ERC2: variants seen among roughly 807,000 people sequenced by gnomAD.
ERC2 encodes the protein ERC protein 2.
In ERC2, 42 loss-of-function variants were observed where a neutral mutation model predicts 114.8. That is an observed-to-expected ratio of 0.37 (90% confidence interval 0.29 to 0.47). ERC2 has a LOEUF of 0.47. ERC2 is among the 20% of genes least tolerant of loss of function. ERC2 has a pLI of 0.99. For synonymous variants in ERC2, 454 were observed against 425.5 expected (o/e 1.07, Z -0.82); for missense variants, 939 against 1,150.7 (o/e 0.82, Z 2.66).
chr3:56,377,214 AT>A (rs1560703889), intron 2 of ERC2, among the ~76,000 whole-genome samples: 4 of 152,212 alleles, frequency 2.6e-5, no homozygotes. Flanking sequence ...GTGACAAAAA[AT>A]ATGCATAGGA....
intron 3 of ERC2, among the ~76,000 whole-genome samples, chr3:56,175,915 G>A (rs2082952111): frequency 7.4e-6 from 1 of 135,012 alleles, no homozygotes; most frequent in Non-Finnish European, 1.8e-5. Context: ...TCAATTTGGA[G>A]TCAATGTGAT....
rs765671294 is a variant in ERC2, at chr3:56,255,904, AC to A, written c.1074+40114del. ...TTAGAAATGCAGAATCTCAGGCTCC[AC>A]CTCAGACCTAATTAACTGAAAGCTG... On this transcript the variant is annotated intron_variant, in intron 3 of 17. Coordinates refer to ENST00000288221, the MANE Select transcript of ERC2 (RefSeq NM_015576.3). Among the ~76,000 whole-genome samples, 20 of 152,296 alleles carry A rather than the reference AC, an allele frequency of 1.3e-4. No individual in the cohort carries two copies. The South Asian group carries it at 1.9e-3, about 14-fold the overall frequency.
intron 6 of ERC2, among the ~76,000 whole-genome samples, chr3:56,113,137 C>T (rs566790909): frequency 6.6e-6 from 1 of 152,136 alleles, no homozygotes; most frequent in African/African-American, 2.4e-5. Flanking sequence ...CATAGCAGTG[C>T]TAATTTATAA....
At chr3:56,386,838 C>T (rs2059950437) in intron 2 of ERC2, among the ~76,000 whole-genome samples, 1 of 152,106 alleles carries the variant, frequency 6.6e-6, no homozygotes, top group South Asian at 2.1e-4. Context: ...AGATATAACA[C>T]CATATGTAAG....
At chr3:56,322,667 C>T (rs1403782435) in intron 2 of ERC2, among the ~76,000 whole-genome samples, 3 of 152,182 alleles carry the variant, frequency 2.0e-5, no homozygotes, top group Non-Finnish European at 4.4e-5. Context: ...TCCCAGCCTA[C>T]TGCCTGGAGA....
chr3:55,723,529 T>G (rs575492988), intron 15 of ERC2, among the ~76,000 whole-genome samples: 16 of 151,898 alleles, frequency 1.1e-4, no homozygotes, highest in African/African-American at 3.9e-4. Context: ...GAACTTTTAG[T>G]GTGTTGCAGA....
At chr3:55,558,958 C>T (rs996622383) in intron 17 of ERC2, among the ~76,000 whole-genome samples, 1 of 152,182 alleles carries the variant, frequency 6.6e-6, no homozygotes, top group African/African-American at 2.4e-5. Context: ...TAGTATTTCC[C>T]TTTGCAAAAC....
At chr3:56,054,991 T>C (rs1025907926) in intron 7 of ERC2, among the ~76,000 whole-genome samples, 1 of 152,212 alleles carries the variant, frequency 6.6e-6, no homozygotes, top group African/African-American at 2.4e-5. Context: ...TGTAATTCAA[T>C]ATTGCAACAC....
intron 3 of ERC2, among the ~76,000 whole-genome samples, chr3:56,186,916 T>C (rs2083659818): frequency 6.6e-6 from 1 of 152,180 alleles, no homozygotes; most frequent in Admixed American, 6.5e-5. Context: ...TCTACTTCTA[T>C]ATGTCAGGTT....
intron 15 of ERC2, among the ~76,000 whole-genome samples, chr3:55,707,930 T>C (rs2063575148): frequency 6.6e-6 from 1 of 152,192 alleles, no homozygotes; most frequent in East Asian, 1.9e-4. Context: ...AAGCAACTAA[T>C]CAGAGCTCAA....
At chr3:55,730,819 C>G (rs2065211020) in intron 15 of ERC2, among the ~76,000 whole-genome samples, 1 of 152,204 alleles carries the variant, frequency 6.6e-6, no homozygotes, top group Non-Finnish European at 1.5e-5. Flanking sequence ...CCACTGTACT[C>G]TAGCCTGGGT....
At chr3:55,777,215 A>G (rs1422893094) in intron 14 of ERC2, among the ~76,000 whole-genome samples, 1 of 152,242 alleles carries the variant, frequency 6.6e-6, no homozygotes, top group Admixed American at 6.5e-5. Context: ...AGTTAGTGCC[A>G]GGGACATCTG....
At position 55,850,072 on chromosome 3, in the gene ERC2, C is replaced by T. The variant is rs756687446; in HGVS notation, c.2564+38317G>A. Among the ~76,000 whole-genome samples, 14 of 152,290 alleles carry T rather than the reference C, an allele frequency of 9.2e-5. No homozygotes were observed. The Middle Eastern group carries it at 0.014, about 148-fold the overall frequency. ...TAATTTCTGGTGATGGCCAGCAATC[C>T]TTGACATTGTTTGACTTACAGATGC... On this transcript the variant is annotated intron_variant, in intron 14 of 17. Transcript: ENST00000288221.
chr3:55,957,341 G>A (rs562753469), intron 12 of ERC2, among the ~76,000 whole-genome samples: 10 of 152,280 alleles, frequency 6.6e-5, no homozygotes, highest in South Asian at 4.1e-4. Context: ...TTATTGCAGC[G>A]GCATCCCTTA....
At position 55,521,879 on chromosome 3, in the gene ERC2, AC is replaced by A. The variant is rs1404129517; in HGVS notation, c.*40-10604del. Among the ~76,000 whole-genome samples the A allele has an allele frequency of 2.6e-5, 4 of 152,166 alleles. 1 individual carries two copies. Among genetic ancestry groups the A allele is most frequent in the Admixed American group, 2.6e-4 (4 of 15,286 alleles). On this transcript the variant is annotated intron_variant, in intron 17 of 17. Coordinates refer to ENST00000288221, the MANE Select transcript of ERC2 (RefSeq NM_015576.3). Reference sequence around the variant, plus strand: ...GGCCTGGGTCGGTTGTGGTCACTAAACCCATTAGCGTTCCAATGTGGCAACA... The same window carrying A: ...GGCCTGGGTCGGTTGTGGTCACTAAACCATTAGCGTTCCAATGTGGCAACA...
intron 1 of ERC2, among the ~76,000 whole-genome samples, chr3:56,462,981 C>A (rs539089329): frequency 6.6e-6 from 1 of 152,256 alleles, no homozygotes; most frequent in Admixed American, 6.5e-5. Context: ...AATCCCAGCA[C>A]TTTGGGAGGC....
At chr3:55,772,286 G>A (rs1018642134) in intron 14 of ERC2, among the ~76,000 whole-genome samples, 1 of 151,592 alleles carries the variant, frequency 6.6e-6, no homozygotes, top group Non-Finnish European at 1.5e-5. Flanking sequence ...GGGACTGCAG[G>A]CATGCACCAC....
intron 2 of ERC2, among the ~76,000 whole-genome samples, chr3:56,348,955 G>GGAAA (rs1398297440): frequency 1.7e-5 from 2 of 116,884 alleles, no homozygotes; most frequent in Non-Finnish European, 3.8e-5. Flanking sequence ...AAGGAAGGAA[G>GGAAA]GAAAGAAAGA....
chr3:55,675,411 G>A (rs1347380481), intron 17 of ERC2, among the ~76,000 whole-genome samples: 1 of 152,164 alleles, frequency 6.6e-6, no homozygotes, highest in Non-Finnish European at 1.5e-5. Context: ...CAGAGTTAAG[G>A]TACGTCTTGG....
Sources: gnomAD v4.1 joint callset for allele counts (sites outside exome capture counted in the v4.1 genomes callset) on GRCh38, gnomAD v4.1.1 for gene constraint, MANE v1.5 for transcripts, NCBI Gene and HGNC (gene_info 2026-07-23, HGNC 2026-07-21) for gene names.